The following UMAD1 variants were observed in gnomAD, a reference collection of about 807,000 sequenced individuals.
UMAD1 encodes UBAP1-MVB12-associated (UMA) domain containing 1, also known as UBAP1-MVB12-associated (UMA)-domain containing protein 1.
Under a neutral mutation model 6.1 loss-of-function variants are expected in UMAD1, and 8 were observed. That is an observed-to-expected ratio of 1.30 (90% CI 0.76 to 2.35). The LOEUF (loss-of-function observed/expected upper bound fraction) is 2.35. Among genes scored for constraint, UMAD1 ranks in the 30% most tolerant of loss-of-function variants. The probability of loss-of-function intolerance (pLI) is 0.00; values close to 1 mark genes in which losing one functional copy is unlikely to be tolerated. For missense variants in UMAD1, 130 were observed against 78.4 expected (o/e 1.66, Z -2.49); for synonymous variants, 56 against 31.4 (o/e 1.78, Z -2.61).
chr7:7,789,884 C>T (rs4725029), intron 2 of UMAD1, among the ~76,000 whole-genome samples: 138,619 of 152,234 alleles, frequency 0.91, 63,237 homozygotes, highest in East Asian at 0.99. Context: ...CACCATTGGC[C>T]ATCGTGCATG....
At chr7:7,719,685 T>C (rs978274619) in intron 2 of UMAD1, among the ~76,000 whole-genome samples, 4 of 152,238 alleles carry the variant, frequency 2.6e-5, no homozygotes, top group Admixed American at 6.5e-5. Context: ...TGCAGTACTT[T>C]ATAATCTTAA....
At chr7:7,715,063 C>A (rs906453735) in intron 2 of UMAD1, 1 of 151,764 alleles carries the variant, frequency 6.6e-6, no homozygotes, top group African/African-American at 2.4e-5. Context: ...AATCTTAGAA[C>A]TTAAAAAAAA....
intron 2 of UMAD1, among the ~76,000 whole-genome samples, chr7:7,724,687 A>C (rs1248743175): frequency 6.6e-6 from 1 of 152,174 alleles, no homozygotes; most frequent in Non-Finnish European, 1.5e-5. Flanking sequence ...AAGCTTAACC[A>C]AGTGGTGACT....
At chr7:7,760,749 G>A (rs978039384) in intron 2 of UMAD1, among the ~76,000 whole-genome samples, 2 of 152,108 alleles carry the variant, frequency 1.3e-5, no homozygotes, top group Non-Finnish European at 2.9e-5. Flanking sequence ...CACCTCCTGG[G>A]CACAGTGAAA....
At chr7:7,843,792 T>TCTGG (rs2115317263) in intron 3 of UMAD1, among the ~76,000 whole-genome samples, 2 of 152,300 alleles carry the variant, frequency 1.3e-5, no homozygotes, top group Non-Finnish European at 2.9e-5. Flanking sequence ...TTCCAGAATT[T>TCTGG]ACCAAACTGA....
chr7:7,694,681 C>CT (rs1189550842), intron 2 of UMAD1, among the ~76,000 whole-genome samples: 18 of 152,080 alleles, frequency 1.2e-4, no homozygotes, highest in Non-Finnish European at 1.5e-4. Context: ...AACATAATAT[C>CT]TTTTTTCCAT....
At chr7:7,746,096 T>C (rs900373667) in intron 2 of UMAD1, among the ~76,000 whole-genome samples, 8 of 152,320 alleles carry the variant, frequency 5.3e-5, no homozygotes, top group Non-Finnish European at 1.0e-4. Context: ...TGTTAAACCT[T>C]GCGTCTTGAT....
intron 2 of UMAD1, among the ~76,000 whole-genome samples, chr7:7,679,876 A>G (rs1345962994): frequency 6.6e-6 from 1 of 151,334 alleles, no homozygotes; most frequent in Non-Finnish European, 1.5e-5. Context: ...GCCCATTTTA[A>G]AATTGGATTA....
At chr7:7,658,172 A>C (rs143912485) in intron 1 of UMAD1, among the ~76,000 whole-genome samples, 2,643 of 152,226 alleles carry the variant, frequency 0.017, 75 homozygotes, top group African/African-American at 0.06. Context: ...TATCCTGAGA[A>C]TTTGCTGAAG....
intron 3 of UMAD1, among the ~76,000 whole-genome samples, chr7:7,811,503 A>G (rs938931818): frequency 6.6e-6 from 1 of 152,154 alleles, no homozygotes; most frequent in East Asian, 1.9e-4. Context: ...TTAGCTCACT[A>G]AGTATGATCT....
chr7:7,856,870 A>G (rs1316832560), intron 3 of UMAD1, among the ~76,000 whole-genome samples: 1 of 152,244 alleles, frequency 6.6e-6, no homozygotes, highest in Middle Eastern at 3.2e-3. Context: ...AACTGAAGGA[A>G]TAGCATCAGT....
chr7:7,864,765 T>C (rs73061231), intron 3 of UMAD1, among the ~76,000 whole-genome samples: 25,363 of 151,806 alleles, frequency 0.17, 3,037 homozygotes, highest in Non-Finnish European at 0.24. Context: ...GGTTTCTAGA[T>C]GGCATCAGAA....
chr7:7,747,965 A>G (rs1013491627), intron 2 of UMAD1, among the ~76,000 whole-genome samples: 2 of 152,136 alleles, frequency 1.3e-5, no homozygotes, highest in Non-Finnish European at 2.9e-5. Context: ...TTATGATTAT[A>G]TATGTTTCTT....
At chr7:7,794,470 C>A (rs1782631089) in intron 2 of UMAD1, among the ~76,000 whole-genome samples, 1 of 152,178 alleles carries the variant, frequency 6.6e-6, no homozygotes, top group Non-Finnish European at 1.5e-5. Flanking sequence ...TAAACCCCCA[C>A]AACAGACTGA....
In UMAD1 at chr7:7,758,640, C is replaced by T. The variant is rs188292789; in HGVS notation, c.83-43030C>T. Among the ~76,000 whole-genome samples the T allele has an allele frequency of 3.7e-3, 570 of 152,162 alleles. 1 individual carries two copies. Among genetic ancestry groups the T allele is most frequent in the Non-Finnish European group, 6.1e-3 (415 of 67,998 alleles). ...TGTAGTTCCAACCTATTTAAAGTAC[C>T]GTTTTACTTATTTAAACATTTTATA... On this transcript the variant is annotated intron_variant, in intron 2 of 3. Coordinates refer to ENST00000682710, the MANE Select transcript of UMAD1 (RefSeq NM_001302348.2).
At chr7:7,654,273 C>A (rs997382995) in intron 1 of UMAD1, among the ~76,000 whole-genome samples, 1 of 152,134 alleles carries the variant, frequency 6.6e-6, no homozygotes, top group Admixed American at 6.5e-5. Flanking sequence ...AATTGTTTGA[C>A]GTCTGTTTTA....
At chr7:7,790,678 A>G (rs1042557411) in intron 2 of UMAD1, among the ~76,000 whole-genome samples, 1 of 152,242 alleles carries the variant, frequency 6.6e-6, no homozygotes, top group African/African-American at 2.4e-5. Flanking sequence ...TAAGTATGGC[A>G]TAGCAAATTG....
At chr7:7,769,599 G>T (rs1299984013) in intron 2 of UMAD1, among the ~76,000 whole-genome samples, 2 of 152,120 alleles carry the variant, frequency 1.3e-5, no homozygotes, top group Admixed American at 6.6e-5. Flanking sequence ...GCCTACCCAG[G>T]CCAATCAAAT....
At chr7:7,784,358 CAG>C (rs1469715374) in intron 2 of UMAD1, among the ~76,000 whole-genome samples, 2 of 136,540 alleles carry the variant, frequency 1.5e-5, no homozygotes, top group Non-Finnish European at 3.1e-5. Context: ...TTTTTTGAGA[CAG>C]AGTCTTGCTC....
Sources: allele counts gnomAD v4.1 joint callset (sites outside exome capture counted in the v4.1 genomes callset), GRCh38; gene constraint gnomAD v4.1.1; transcripts MANE v1.5; gene names NCBI Gene and HGNC (gene_info 2026-07-23, HGNC 2026-07-21).